Variants in B4GALNT4 observed in about 807,000 individuals in gnomAD.
B4GALNT4 encodes N-acetyl-beta-glucosaminyl-glycoprotein 4-beta-N-acetylgalactosaminyltransferase 1.
In B4GALNT4, 77 loss-of-function variants were observed where a neutral mutation model predicts 110.0. That is an observed-to-expected ratio of 0.70 (90% CI 0.58 to 0.85). B4GALNT4 has a LOEUF of 0.85. Ranked by LOEUF, B4GALNT4 falls within the 40% of genes least tolerant of loss-of-function variation. The pLI is 0.00. For synonymous variants in B4GALNT4, 785 were observed against 655.5 expected (o/e 1.20, Z -3.02); for missense variants, 1,575 against 1,506.0 (o/e 1.05, Z -0.76).
At position 379,471 on chromosome 11, in the gene B4GALNT4, G is replaced by C. The variant is rs1043523402; in HGVS notation, c.2258G>C (p.Arg753Pro). ...GTGGAGAAGCGCCGGGACTCGGCGC[G>C]AGGGAGTCGCTTCCTGCTGGAGCTG... ...VNVEKRRDSARGSRFLLELEL... is the reference protein window; with the variant it reads ...VNVEKRRDSAPGSRFLLELEL... Residue 753 changes from arginine (R) to proline (P), a missense_variant, in exon 15 of 20, where the codon CGA becomes CCA. Physicochemically the swap from Arg to Pro is moderately radical, Grantham distance 103. Coordinates refer to ENST00000329962, the MANE Select transcript of B4GALNT4 (RefSeq NM_178537.5). The C allele has an allele frequency of 6.4e-7, 1 of 1,563,392 alleles. No homozygotes were observed. The highest frequency in any genetic ancestry group is 8.6e-7 in the Non-Finnish European group (1 of 1,162,058).
Position 380,295 on chromosome 11 carries a change from G to T in B4GALNT4, c.2719G>T (p.Ala907Ser), listed in dbSNP as rs749027825. 3.7e-6 allele frequency: 6 copies of T among 1,612,856 alleles called. No individual in the cohort carries two copies. The East Asian group carries it at 1.1e-4, about 30-fold the overall frequency. ...TCAGACCTCCCGCACCCCCCAGGAC[G>T]CCAGCAGCATCGTGTTCCTCTGCGA... is the stretch of plus-strand genomic sequence containing the variant. ...LQAGVDAVED[A>S]SSIVFLCDLH... The change falls in exon 18 of 20, where the codon GCC becomes TCC. Residue 907 changes from alanine (A) to serine (S), a missense_variant. Ala to Ser is a moderately conservative substitution (Grantham distance 99, BLOSUM62 1). Transcript: ENST00000329962.
rs1245990214 is a variant in B4GALNT4, at chr11:379,465, C to G, written c.2252C>G (p.Ser751Trp). 1 of 1,556,098 alleles carries G rather than the reference C, an allele frequency of 6.4e-7. No homozygotes were observed. Among genetic ancestry groups the G allele is most frequent in the Non-Finnish European group, 8.6e-7 (1 of 1,159,020 alleles). The change falls in exon 15 of 20, where the codon TCG becomes TGG. Residue 751 changes from serine to tryptophan, a missense_variant. By Grantham distance (177) the Ser-to-Trp change is radical. Transcript: ENST00000329962. ...RIVNVEKRRD[S>W]ARGSRFLLEL... is the part of the protein sequence containing the mutation. Reference sequence around the variant, plus strand: ...GTGAACGTGGAGAAGCGCCGGGACTCGGCGCGAGGGAGTCGCTTCCTGCTG... The same window carrying G: ...GTGAACGTGGAGAAGCGCCGGGACTGGGCGCGAGGGAGTCGCTTCCTGCTG...
chr11:373,416 C>CCCCCG, intron 6 of B4GALNT4, 33 bp from the exon 7 acceptor site: 9 of 1,102,340 alleles, frequency 8.2e-6, no homozygotes, highest in Non-Finnish European at 1.0e-5. Context: ...GAACCCCCCC[C>CCCCCG]CCCACCACCA....
chr11:377,679 G>A (rs1846787296), intron 14 of B4GALNT4, among the ~76,000 whole-genome samples: 1 of 152,232 alleles, frequency 6.6e-6, no homozygotes, highest in Admixed American at 6.5e-5. Flanking sequence ...TTGCTGCGCA[G>A]ACAGCCCCAT....
At chr11:379,826 C>A in intron 15 of B4GALNT4, 40 bp from the exon 16 acceptor site, 2 of 1,556,290 alleles carry the variant, frequency 1.3e-6, no homozygotes, top group South Asian at 1.2e-5. Flanking sequence ...ACCGTAGAGT[C>A]AGCGTCGGCT....
chr11:380,373 G>A lies in B4GALNT4; in HGVS notation c.2797G>A (p.Val933Met). 1.2e-6 allele frequency: 2 copies of A among 1,613,278 alleles called. No individual in the cohort carries two copies. The highest frequency in any genetic ancestry group is 1.7e-6 in the Non-Finnish European group (2 of 1,179,760). Residue 933 changes from valine (V) to methionine (M), a missense_variant, in exon 18 of 20, where the codon GTG (valine) becomes ATG (methionine). Val to Met is a conservative substitution (Grantham distance 21). Coordinates refer to ENST00000329962, the MANE Select transcript of B4GALNT4 (RefSeq NM_178537.5). ...CCTGGACGGCATCCGCAAGCACTGCGTGGAGGGCAGGCTGGCCTTCGCGCC... is the reference window on the plus strand; with the variant it reads ...CCTGGACGGCATCCGCAAGCACTGCATGGAGGGCAGGCTGGCCTTCGCGCC... ...NILDGIRKHC[V>M]EGRLAFAPVV...
Position 376,902 on chromosome 11 carries a change from G to A in B4GALNT4, c.1779G>A (p.Ala593=), listed in dbSNP as rs780555075. ...CACAGCCGAGGCCCCCAGCCCGGGCGCAGGCCACCCAAGGGGGCCGGGAGG... is the reference window on the plus strand; with the variant it reads ...CACAGCCGAGGCCCCCAGCCCGGGCACAGGCCACCCAAGGGGGCCGGGAGG... ...QATQPRPPAR[A]QATQGGREGQ... The change falls in exon 14 of 20, where the codon GCG becomes GCA. Residue 593 remains alanine, a synonymous_variant. Transcript: ENST00000329962. The A allele has an allele frequency of 2.7e-5, 37 of 1,362,246 alleles. No individual in the cohort carries two copies. The African/African-American group carries it at 5.3e-4, about 19-fold the overall frequency. The allele number at this position is 1,362,246 out of a possible 1,614,324, so 84.4% of individuals were successfully genotyped here. A position where few individuals can be genotyped will look rare whatever the true frequency, so the allele number is the denominator to read the frequency against.
rs1244335062 is a variant in B4GALNT4 at position 376,742 on chromosome 11, C to A, written c.1619C>A (p.Ala540Asp). ...VRPGQRASPR[A>D]PAPRAPWPPF... ...CCGGGACAGCGGGCATCCCCCCGGG[C>A]CCCAGCGCCGCGTGCGCCCTGGCCG... Residue 540 changes from alanine to aspartate, a missense_variant, in exon 14 of 20, where the codon GCC becomes GAC. Physicochemically the swap from Ala to Asp is moderately radical, Grantham distance 126. Transcript: ENST00000329962. 2 of 1,394,438 alleles carry A rather than the reference C, an allele frequency of 1.4e-6. No individual in the cohort carries two copies. The highest frequency in any genetic ancestry group is 1.5e-5 in the African/African-American group (1 of 65,642). The allele number at this position is 1,394,438 out of a possible 1,614,324, so 86.4% of individuals were successfully genotyped here.
rs1477690979 is a variant in B4GALNT4, at chr11:377,129, G to T, written c.2006G>T (p.Gly669Val). Residue 669 changes from glycine (G) to valine (V), a missense_variant, in exon 14 of 20, where the codon GGC becomes GTC. Coordinates refer to ENST00000329962, the MANE Select transcript of B4GALNT4 (RefSeq NM_178537.5). ...AASEDSEEAA[G>V]PALGRWREDA... ...TCGGAGGACAGCGAGGAGGCCGCGG[G>T]CCCGGCGCTCGGACGCTGGCGTGAG... The T allele has an allele frequency of 4.0e-6, 6 of 1,509,038 alleles. No homozygotes were observed. Among genetic ancestry groups the T allele is most frequent in the South Asian group, 3.8e-5 (3 of 79,380 alleles). 93.5% of individuals were successfully genotyped at this position (1,509,038 alleles called of 1,614,324 possible).
chr11:376,844 C>T lies in B4GALNT4; in HGVS notation c.1721C>T (p.Pro574Leu). The change falls in exon 14 of 20, where the codon CCC becomes CTC. Residue 574 changes from proline (P) to leucine (L), a missense_variant. Transcript: ENST00000329962. Reference sequence around the variant, plus strand: ...CGGGCGCCCCCACGCCCACCCCGGCCCCACGGCCGCAGGACCGGCGGCCCC... The same window carrying T: ...CGGGCGCCCCCACGCCCACCCCGGCTCCACGGCCGCAGGACCGGCGGCCCC... ...QLRAPPRPPRPHGRRTGGPQA... is the reference protein window; with the variant it reads ...QLRAPPRPPRLHGRRTGGPQA... The T allele has an allele frequency of 1.5e-6, 2 of 1,328,060 alleles. No homozygotes were observed. The highest frequency in any genetic ancestry group is 1.9e-6 in the Non-Finnish European group (2 of 1,039,904). The allele number at this position is 1,328,060 out of a possible 1,614,324, so 82.3% of individuals were successfully genotyped here.
At chr11:370,239 T>C (rs1289758877) in intron 1 of B4GALNT4, among the ~76,000 whole-genome samples, 2 of 151,958 alleles carry the variant, frequency 1.3e-5, no homozygotes, top group East Asian at 3.9e-4. Flanking sequence ...GGTCCCTGAC[T>C]CTGGGATCTG....
Position 369,873 on chromosome 11 carries a change from T to G in B4GALNT4, c.70T>G (p.Cys24Gly). The G allele has an allele frequency of 1.0e-6, 1 of 993,950 alleles. No homozygotes were observed. Among genetic ancestry groups the G allele is most frequent in the Non-Finnish European group, 1.2e-6 (1 of 836,834 alleles). 61.6% of individuals were successfully genotyped at this position (993,950 alleles called of 1,614,324 possible). Residue 24 changes from cysteine (C) to glycine (G), a missense_variant, in exon 1 of 20, where the codon TGC (cysteine) becomes GGC (glycine). Cys to Gly is a radical substitution (Grantham distance 159, BLOSUM62 -3). Transcript: ENST00000329962. Reference protein sequence around the residue: ...KLLLLLLLLSCAAWLTYVHLG... With the variant: ...KLLLLLLLLSGAAWLTYVHLG... ...GCTGCTGCTGCTGCTGCTGCTGAGC[T>G]GCGCCGCGTGGCTCACCTACGTGCA...
chr11:380,995 C>T (rs1291344815), intron 19 of B4GALNT4, 44 bp downstream of exon 19: 16 of 1,586,844 alleles, frequency 1.0e-5, no homozygotes, highest in Middle Eastern at 1.7e-4. Context: ...CTGACCCCTG[C>T]GTCCTCCTCC....
chr11:373,163 C>G (rs1170486532), intron 5 of B4GALNT4, 28 bp from the exon 6 acceptor site: 2 of 1,611,372 alleles, frequency 1.2e-6, no homozygotes, highest in East Asian at 2.2e-5. Context: ...TGAGGCTCCA[C>G]CCCCCTGAGC....
At chr11:374,068 G>A (rs1846675163) in intron 8 of B4GALNT4, among the ~76,000 whole-genome samples, 2 of 151,326 alleles carry the variant, frequency 1.3e-5, no homozygotes, top group South Asian at 4.2e-4. Flanking sequence ...GGGGGGCAGA[G>A]AATTTGGGGT....
At position 369,591 on chromosome 11, in the gene B4GALNT4, G is replaced by C. The variant is rs931671859; in HGVS notation, c.-213G>C. On this transcript the variant is annotated 5_prime_UTR_variant, in exon 1 of 20. Transcript: ENST00000329962. ...GGCCGGGCGGGGGGCACCGCGAGGA[G>C]CCGCCCCCGCCGCCCACCCCGGGCC... Among the ~76,000 whole-genome samples the C allele has an allele frequency of 2.1e-5, 3 of 142,360 alleles. No homozygotes were observed. Among genetic ancestry groups the C allele is most frequent in the Non-Finnish European group, 3.1e-5 (2 of 64,484 alleles). The allele number at this position is 142,360 out of a possible 152,430, so 93.4% of individuals were successfully genotyped here.
At position 369,844 on chromosome 11, in the gene B4GALNT4, A is replaced by AGCT. The variant is rs760432344; in HGVS notation, c.64_66dup (p.Leu22dup). 149 of 990,262 alleles carry AGCT rather than the reference A, an allele frequency of 1.5e-4. No individual in the cohort carries two copies. The highest frequency in any genetic ancestry group is 1.7e-4 in the Non-Finnish European group (139 of 834,174). The allele number at this position is 990,262 out of a possible 1,614,324, so 61.3% of individuals were successfully genotyped here. ...GTGAAGAAGATCCGTAAGCAGATGA[A>AGCT]GCTGCTGCTGCTGCTGCTGCTGCTG... On this transcript the variant is annotated inframe_insertion, in exon 1 of 20. Transcript: ENST00000329962.
At chr11:372,617 C>T (rs1846636463) in intron 2 of B4GALNT4, 45 bp from the exon 3 acceptor site, 3 of 1,515,182 alleles carry the variant, frequency 2.0e-6, no homozygotes, top group African/African-American at 1.4e-5. Context: ...GTGACCTCCT[C>T]CCTGCCCTTC....
rs1294073801 is a variant in B4GALNT4, at chr11:376,320, G to T, written c.1266G>T (p.Gln422His). The T allele has an allele frequency of 1.2e-6, 2 of 1,609,816 alleles. No individual in the cohort carries two copies. Among genetic ancestry groups the T allele is most frequent in the Non-Finnish European group, 1.7e-6 (2 of 1,178,300 alleles). The change falls in exon 13 of 20, where the codon CAG becomes CAT. Residue 422 changes from glutamine (Q) to histidine (H), a missense_variant. Physicochemically the swap from Gln to His is conservative, Grantham distance 24 (BLOSUM62 0). Coordinates refer to ENST00000329962, the MANE Select transcript of B4GALNT4 (RefSeq NM_178537.5). The stretch of plus-strand genomic sequence containing the variant: ...ATGAGGATGAAGAAGACGAGGTGCA[G>T]CGCCGAGCCTTCCTCTTCCTCAACC... ...EGDEDEEDEVQRRAFLFLNPD... is the reference protein window; with the variant it reads ...EGDEDEEDEVHRRAFLFLNPD...
Sources: allele counts gnomAD v4.1 joint callset (sites outside exome capture counted in the v4.1 genomes callset), GRCh38; gene constraint gnomAD v4.1.1; transcripts MANE v1.5; gene names NCBI Gene and HGNC (gene_info 2026-07-23, HGNC 2026-07-21).